Variants in TNR observed in about 807,000 individuals in gnomAD.
The protein encoded by TNR is tenascin R, also known as tenascin-R.
In TNR, 45 loss-of-function variants were observed where a neutral mutation model predicts 150.4. That is an observed-to-expected ratio of 0.30 (90% confidence interval 0.24 to 0.38). TNR has a LOEUF of 0.38. Among genes scored for constraint, TNR ranks in the 10% least tolerant of loss-of-function variants. The pLI is 1.00. For missense variants in TNR, 1,544 were observed against 1,759.1 expected, an observed-to-expected ratio of 0.88 and a Z score of 2.19; for synonymous variants, 687 against 678.4, an observed-to-expected ratio of 1.01 and a Z score of -0.20.
rs971913924 is a variant in TNR at position 175,456,497 on chromosome 1, C to T, written c.-63-49720G>A. ...GCATCCCTGAATGTCTACAACAATG[C>T]TTGACACTTAGACGGTGCTTAATAA... On this transcript the variant is annotated intron_variant, in intron 2 of 22. Coordinates refer to ENST00000367674, the MANE Select transcript of TNR (RefSeq NM_003285.3). Among the ~76,000 whole-genome samples the T allele has an allele frequency of 2.6e-5, 4 of 152,326 alleles. No homozygotes were observed. The South Asian group carries it at 8.3e-4, about 32-fold the overall frequency.
At chr1:175,705,711 C>T (rs1666829244) in intron 1 of TNR, among the ~76,000 whole-genome samples, 1 of 152,094 alleles carries the variant, frequency 6.6e-6, no homozygotes. Context: ...GTCTTGATTT[C>T]AGCAAGACTT....
intron 18 of TNR, among the ~76,000 whole-genome samples, chr1:175,352,900 GGA>G (rs1651122850): frequency 6.6e-6 from 1 of 152,180 alleles, no homozygotes; most frequent in Non-Finnish European, 1.5e-5. Flanking sequence ...GTGCAGTGGG[GGA>G]GACACCTGGT....
At position 175,315,739 on chromosome 1, in the gene TNR, G is replaced by C. The variant is rs1201483018; in HGVS notation, c.*7618C>G. ...ATCCCCATGGGCCTGGGGAGTATTC[G>C]AGGTTGGAATCATTAGATGTGTGTG... On this transcript the variant is annotated 3_prime_UTR_variant, in exon 23 of 23. Coordinates refer to ENST00000367674, the MANE Select transcript of TNR (RefSeq NM_003285.3). 1 of 152,250 alleles carries C rather than the reference G, an allele frequency of 6.6e-6. No individual in the cohort carries two copies. Among genetic ancestry groups the C allele is most frequent in the Non-Finnish European group, 1.5e-5 (1 of 68,106 alleles). The allele number at this position is 152,250 out of a possible 1,614,324, so 9.4% of individuals were successfully genotyped here.
chr1:175,623,576 C>G lies in TNR; in HGVS notation c.-164-95207G>C, dbSNP rs12406898. 9.7e-3 allele frequency among the ~76,000 whole-genome samples: 1,471 copies of G among 152,332 alleles called. 51 individuals are homozygous for G. The highest frequency in any genetic ancestry group is 0.069 in the Admixed American group (1,057 of 15,292). On this transcript the variant is annotated intron_variant, in intron 1 of 22. Transcript: ENST00000367674. ...AGCCCCGTGGGACACCCACACTAAC[C>G]TCTACCTAACCAGGCTTTCTTCCCC...
chr1:175,624,280 G>A (rs952593316), intron 1 of TNR, among the ~76,000 whole-genome samples: 7 of 152,004 alleles, frequency 4.6e-5, no homozygotes, highest in African/African-American at 1.7e-4. Context: ...GATAGAGAGT[G>A]TGTGCTGGGT....
intron 1 of TNR, among the ~76,000 whole-genome samples, chr1:175,666,829 C>T (rs1175480638): frequency 1.3e-5 from 2 of 152,300 alleles, no homozygotes; most frequent in East Asian, 3.9e-4. Flanking sequence ...CTCACTATAG[C>T]CTCAAACTCC....
At chr1:175,490,897 C>T (rs1268170599) in intron 2 of TNR, among the ~76,000 whole-genome samples, 1 of 152,148 alleles carries the variant, frequency 6.6e-6, no homozygotes, top group Non-Finnish European at 1.5e-5. Flanking sequence ...ATAAATCATT[C>T]TATTACAAAG....
chr1:175,493,062 TTA>T (rs1175228382), intron 2 of TNR, among the ~76,000 whole-genome samples: 2 of 152,008 alleles, frequency 1.3e-5, no homozygotes, highest in African/African-American at 4.8e-5. Flanking sequence ...CTGTGACACA[TTA>T]TTCTCTGCTG....
At chr1:175,580,879 G>A (rs1479473886) in intron 1 of TNR, among the ~76,000 whole-genome samples, 1 of 152,146 alleles carries the variant, frequency 6.6e-6, no homozygotes, top group African/African-American at 2.4e-5. Context: ...TGTGAGAGTG[G>A]GGAGATCCTG....
chr1:175,513,353 A>T (rs113335671), intron 2 of TNR, among the ~76,000 whole-genome samples: 2,351 of 152,206 alleles, frequency 0.015, 62 homozygotes, highest in African/African-American at 0.049. Context: ...ACCTGCTTGC[A>T]AAGTTTGGAA....
chr1:175,672,803 C>A (rs1237485923), intron 1 of TNR, among the ~76,000 whole-genome samples: 4 of 152,158 alleles, frequency 2.6e-5, no homozygotes, highest in African/African-American at 9.7e-5. Context: ...TCATTGTCAT[C>A]AGCTTGCATT....
Position 175,324,356 on chromosome 1 carries a change from C to T in TNR, c.3957G>A (p.Gln1319=), listed in dbSNP as rs1414020979. The change falls in exon 22 of 23, where the codon CAG becomes CAA. Residue 1319 remains glutamine, a splice_region_variant and synonymous_variant. Transcript: ENST00000367674. The stretch of plus-strand genomic sequence containing the variant: ...ATAGCAGAGGTGGAGCATCGCTTAC[C>T]TGACTGTGCCTGGACTCCCCGTACT... The part of the protein sequence containing the change: ...NGKYGESRHS[Q]GINWYHWKGH... 8 of 1,613,082 alleles carry T rather than the reference C, an allele frequency of 5.0e-6. No individual in the cohort carries two copies. The Admixed American group carries it at 1.3e-4, about 27-fold the overall frequency.
chr1:175,429,272 T>C (rs565415246), intron 2 of TNR, among the ~76,000 whole-genome samples: 1 of 152,164 alleles, frequency 6.6e-6, no homozygotes, highest in Admixed American at 6.5e-5. Context: ...AAGATAGATA[T>C]AGATGTATAT....
At chr1:175,687,090 C>A (rs1666220938) in intron 1 of TNR, among the ~76,000 whole-genome samples, 1 of 152,112 alleles carries the variant, frequency 6.6e-6, no homozygotes, top group Non-Finnish European at 1.5e-5. Flanking sequence ...TATGCTCAGC[C>A]CCAGACATTC....
intron 1 of TNR, among the ~76,000 whole-genome samples, chr1:175,731,102 C>A (rs867882685): frequency 6.6e-6 from 1 of 152,162 alleles, no homozygotes; most frequent in Non-Finnish European, 1.5e-5. Flanking sequence ...CTAAATGACA[C>A]CCCAGGCCCT....
At chr1:175,546,612 T>C (rs1425729420) in intron 1 of TNR, among the ~76,000 whole-genome samples, 25 of 151,968 alleles carry the variant, frequency 1.6e-4, no homozygotes, top group East Asian at 3.9e-4. Context: ...TACCCAAGAG[T>C]GGCGTGCCTT....
At chr1:175,709,661 G>C (rs1666945099) in intron 1 of TNR, among the ~76,000 whole-genome samples, 1 of 152,186 alleles carries the variant, frequency 6.6e-6, no homozygotes. Context: ...CATGCTCAGT[G>C]ACATCTCTTT....
At chr1:175,687,883 G>A (rs757222788) in intron 1 of TNR, among the ~76,000 whole-genome samples, 1 of 149,768 alleles carries the variant, frequency 6.7e-6, no homozygotes, top group East Asian at 2.0e-4. Context: ...CCCAGAATAC[G>A]CTCCAATCTT....
In TNR at chr1:175,317,261, G is replaced by A. The variant is rs1224041986; in HGVS notation, c.*6096C>T. On this transcript the variant is annotated 3_prime_UTR_variant, in exon 23 of 23. Coordinates refer to ENST00000367674, the MANE Select transcript of TNR (RefSeq NM_003285.3). ...AAATTAAAAAGCCTATACCAGACCC[G>A]AACTCAGCTCTGTTACTAATTGCCT... The A allele has an allele frequency of 2.0e-5, 3 of 152,278 alleles. No individual in the cohort carries two copies. The highest frequency in any genetic ancestry group is 2.9e-5 in the Non-Finnish European group (2 of 68,010). 9.4% of individuals were successfully genotyped at this position (152,278 alleles called of 1,614,324 possible).
Sources: allele counts gnomAD v4.1 joint callset (sites outside exome capture counted in the v4.1 genomes callset), GRCh38; gene constraint gnomAD v4.1.1; transcripts MANE v1.5; gene names NCBI Gene and HGNC (gene_info 2026-07-23, HGNC 2026-07-21).